PLEKHH2: variants seen among roughly 807,000 people sequenced by gnomAD.
PLEKHH2 encodes the protein pleckstrin homology, MyTH4 and FERM domain containing H2, also known as pleckstrin homology domain-containing family H member 2.
In PLEKHH2, 129 loss-of-function variants were observed where a neutral mutation model predicts 187.9. The observed-to-expected ratio is 0.69, with a 90% CI of 0.59 to 0.79. The LOEUF (loss-of-function observed/expected upper bound fraction) is 0.79. Ranked by LOEUF, PLEKHH2 falls within the 30% of genes least tolerant of loss-of-function variation. The probability of loss-of-function intolerance (pLI) is 0.00; values close to 1 mark genes in which losing one functional copy is unlikely to be tolerated. For synonymous variants in PLEKHH2, 686 were observed against 605.6 expected (o/e 1.13, Z -1.95); for missense variants, 2,076 against 1,751.2 (o/e 1.19, Z -3.31).
intron 3 of PLEKHH2, 35 bp from the exon 4 acceptor site, chr2:43,692,479 A>G: frequency 6.6e-7 from 1 of 1,505,974 alleles, no homozygotes; most frequent in Non-Finnish European, 9.1e-7. Flanking sequence ...ACCTGAGTAC[A>G]CACACAATTT....
chr2:43,732,021 C>T (rs1671064130), intron 19 of PLEKHH2, among the ~76,000 whole-genome samples: 1 of 152,150 alleles, frequency 6.6e-6, no homozygotes, highest in Non-Finnish European at 1.5e-5. Flanking sequence ...CAACTTCGCA[C>T]TCTTTATCCT....
intron 24 of PLEKHH2, among the ~76,000 whole-genome samples, chr2:43,751,499 A>G (rs1672008291): frequency 6.6e-6 from 1 of 152,360 alleles, no homozygotes; most frequent in African/African-American, 2.4e-5. Context: ...AGGATCGCCC[A>G]GTGGTGCTGA....
chr2:43,679,854 T>C (rs1045003258), intron 3 of PLEKHH2, among the ~76,000 whole-genome samples: 1 of 152,228 alleles, frequency 6.6e-6, no homozygotes, highest in Non-Finnish European at 1.5e-5. Flanking sequence ...TTAAATTTTG[T>C]AATGACAGGG....
At chr2:43,763,521 G>T (rs528441073) in intron 28 of PLEKHH2, among the ~76,000 whole-genome samples, 4 of 151,848 alleles carry the variant, frequency 2.6e-5, no homozygotes, top group Non-Finnish European at 5.9e-5. Flanking sequence ...CTGGGCTCAA[G>T]CAGTCCTCCT....
chr2:43,643,258 C>A (rs900392540), intron 1 of PLEKHH2, among the ~76,000 whole-genome samples: 1 of 152,022 alleles, frequency 6.6e-6, no homozygotes, highest in Non-Finnish European at 1.5e-5. Context: ...TCTATGAAAA[C>A]AAAGAAATGA....
At chr2:43,764,687 G>A (rs1399647338) in intron 29 of PLEKHH2, among the ~76,000 whole-genome samples, 4 of 152,140 alleles carry the variant, frequency 2.6e-5, no homozygotes, top group Non-Finnish European at 5.9e-5. Flanking sequence ...AAATAGTTGT[G>A]GCATTAAGTT....
At chr2:43,711,317 G>A in intron 14 of PLEKHH2, 1 of 985,396 alleles carries the variant, frequency 1.0e-6, no homozygotes, top group South Asian at 4.7e-5. Flanking sequence ...AATTTAGAAA[G>A]GAGAATCAAG....
chr2:43,723,857 A>G (rs1369609873), intron 16 of PLEKHH2, among the ~76,000 whole-genome samples: 2 of 152,154 alleles, frequency 1.3e-5, no homozygotes, highest in East Asian at 3.9e-4. Flanking sequence ...CTGATTAAGA[A>G]TAGACCGGAG....
intron 2 of PLEKHH2, chr2:43,658,756 A>C (rs1666914823): frequency 6.6e-6 from 1 of 152,230 alleles, no homozygotes; most frequent in African/African-American, 2.4e-5. Flanking sequence ...AGTGCGTCTT[A>C]TGACCTACTC....
chr2:43,707,329 A>C, intron 10 of PLEKHH2, 72 bp from the exon 11 acceptor site: 10 of 1,574,422 alleles, frequency 6.4e-6, no homozygotes, highest in Non-Finnish European at 8.7e-6. Flanking sequence ...GACCCTAATA[A>C]CTAGCAGCCT....
Position 43,720,828 on chromosome 2 carries a change from C to T in PLEKHH2, c.2541+79C>T, listed in dbSNP as rs539685366. Reference sequence around the variant, plus strand: ...TTAAACTTTTCCTTTTCTCTCTTCTCTTACTTTGTAAAACTTCAGAATCTT... The same window carrying T: ...TTAAACTTTTCCTTTTCTCTCTTCTTTTACTTTGTAAAACTTCAGAATCTT... On this transcript the variant is annotated intron_variant, in intron 16 of 29. Coordinates refer to ENST00000282406, the MANE Select transcript of PLEKHH2 (RefSeq NM_172069.4). 149 of 1,505,546 alleles carry T rather than the reference C, an allele frequency of 9.9e-5. No individual in the cohort carries two copies. In the East Asian group the frequency reaches 3.3e-3, roughly 33 times the overall value. The allele number at this position is 1,505,546 out of a possible 1,614,324, so 93.3% of individuals were successfully genotyped here. A position where few individuals can be genotyped will look rare whatever the true frequency, so the allele number is the denominator to read the frequency against.
Position 43,710,584 on chromosome 2 carries a change from C to CTTTTTTTTTT in PLEKHH2, c.2301+24_2301+33dup, listed in dbSNP as rs376851824. Reference sequence around the variant, plus strand: ...ACAAACAAACAGTTCAGGTACTTAACTTTTTTTTTTTTTTTTTTTTTTTTG... The same window carrying CTTTTTTTTTT: ...ACAAACAAACAGTTCAGGTACTTAACTTTTTTTTTTTTTTTTTTTTTTTTTTTTTTTTTTG... On this transcript the variant is annotated intron_variant, in intron 14 of 29. Transcript: ENST00000282406. 6.0e-5 allele frequency: 75 copies of CTTTTTTTTTT among 1,242,560 alleles called. No homozygotes were observed. Among genetic ancestry groups the CTTTTTTTTTT allele is most frequent in the South Asian group, 3.0e-4 (16 of 53,002 alleles). 77.0% of individuals were successfully genotyped at this position (1,242,560 alleles called of 1,614,324 possible). A position where few individuals can be genotyped will look rare whatever the true frequency, so the allele number is the denominator to read the frequency against.
intron 19 of PLEKHH2, among the ~76,000 whole-genome samples, chr2:43,734,583 C>G (rs948473809): frequency 2.6e-5 from 4 of 152,078 alleles, no homozygotes; most frequent in African/African-American, 4.8e-5. Context: ...TGGCTGTTAT[C>G]GAAAAGGCAG....
intron 2 of PLEKHH2, among the ~76,000 whole-genome samples, chr2:43,656,819 A>T (rs1045512829): frequency 5.3e-5 from 8 of 152,290 alleles, no homozygotes; most frequent in African/African-American, 1.9e-4. Flanking sequence ...GGAGTTTGAG[A>T]CCAGCCTGGC....
intron 18 of PLEKHH2, 151 bp downstream of exon 18, chr2:43,729,896 G>A (rs1216162176): frequency 2.0e-6 from 1 of 499,948 alleles, no homozygotes. Context: ...AGAGAATTCT[G>A]TCTGTGGCTC....
At chr2:43,735,430 G>C (rs1671243510) in intron 19 of PLEKHH2, among the ~76,000 whole-genome samples, 1 of 152,136 alleles carries the variant, frequency 6.6e-6, no homozygotes, top group Admixed American at 6.5e-5. Context: ...CTGGGTAGTA[G>C]GGGGTGGAGG....
intron 16 of PLEKHH2, 26 bp from the exon 17 acceptor site, chr2:43,726,246 C>G (rs1216066725): frequency 6.6e-7 from 1 of 1,514,630 alleles, no homozygotes; most frequent in South Asian, 1.2e-5. Flanking sequence ...AAATGCCTTC[C>G]TCACAATTAC....
chr2:43,764,138 G>C (rs986265348), intron 28 of PLEKHH2, 90 bp from the exon 29 acceptor site: 16 of 733,822 alleles, frequency 2.2e-5, no homozygotes, highest in Non-Finnish European at 2.0e-6. Context: ...ATTAATATCT[G>C]CCTTTTAATG....
rs1016645993 is a variant in PLEKHH2 at position 43,740,680 on chromosome 2, C to T, written c.3124-266C>T. 5.9e-5 allele frequency: 17 copies of T among 288,084 alleles called. 1 individual carries two copies. The East Asian group carries it at 7.6e-4, about 13-fold the overall frequency. The allele number at this position is 288,084 out of a possible 1,614,324, so 17.8% of individuals were successfully genotyped here. Reference sequence around the variant, plus strand: ...CAATGTTCCTAATCTTTGAGTGTAACGTCAAAAAGGAGCACCTTGTCTGCT... The same window carrying T: ...CAATGTTCCTAATCTTTGAGTGTAATGTCAAAAAGGAGCACCTTGTCTGCT... On this transcript the variant is annotated intron_variant, in intron 20 of 29. Transcript: ENST00000282406.
Sources: gnomAD v4.1 joint callset for allele counts (sites outside exome capture counted in the v4.1 genomes callset) on GRCh38, gnomAD v4.1.1 for gene constraint, MANE v1.5 for transcripts, NCBI Gene and HGNC (gene_info 2026-07-23, HGNC 2026-07-21) for gene names.